CCSER1: variants seen among roughly 807,000 people sequenced by gnomAD.
CCSER1 encodes coiled-coil serine rich protein 1, also known as serine-rich coiled-coil domain-containing protein 1.
In CCSER1, 41 loss-of-function variants were observed where a neutral mutation model predicts 82.0. The observed-to-expected ratio is 0.50, with a 90% CI of 0.39 to 0.65. The LOEUF (loss-of-function observed/expected upper bound fraction) is 0.65, where lower values mean the gene tolerates loss of function less well. Among genes scored for constraint, CCSER1 ranks in the 30% least tolerant of loss-of-function variants. The probability of loss-of-function intolerance (pLI) is 0.00; values close to 1 mark genes in which losing one functional copy is unlikely to be tolerated. For synonymous variants in CCSER1, 414 were observed against 383.9 expected (o/e 1.08, Z -0.92); for missense variants, 1,119 against 1,064.2 (o/e 1.05, Z -0.72).
intron 6 of CCSER1, among the ~76,000 whole-genome samples, chr4:90,662,792 C>A (rs927444765): frequency 6.6e-6 from 1 of 152,104 alleles, no homozygotes; most frequent in Non-Finnish European, 1.5e-5. Context: ...TCTTTTGTTT[C>A]TGGTACTCTA....
At chr4:90,729,244 C>A (rs1041958965) in intron 7 of CCSER1, among the ~76,000 whole-genome samples, 4 of 152,154 alleles carry the variant, frequency 2.6e-5, no homozygotes, top group African/African-American at 7.2e-5. Context: ...AAGTTCAATG[C>A]AAGAAAGTCT....
chr4:90,935,982 A>G (rs1730882630), intron 9 of CCSER1, among the ~76,000 whole-genome samples: 1 of 151,986 alleles, frequency 6.6e-6, no homozygotes, highest in African/African-American at 2.4e-5. Context: ...ACTTTTTGCA[A>G]TGAACATATG....
intron 5 of CCSER1, among the ~76,000 whole-genome samples, chr4:90,584,932 C>A (rs1443595012): frequency 6.6e-6 from 1 of 151,856 alleles, no homozygotes; most frequent in Non-Finnish European, 1.5e-5. Flanking sequence ...ATTAAGAAAA[C>A]TAAAATGAAA....
intron 7 of CCSER1, among the ~76,000 whole-genome samples, chr4:90,808,618 C>T (rs1287299616): frequency 6.6e-6 from 1 of 151,950 alleles, no homozygotes; most frequent in African/African-American, 2.4e-5. Flanking sequence ...ATACAAATGG[C>T]CAACAAACCA....
chr4:90,605,946 A>C (rs1160301050), intron 5 of CCSER1, among the ~76,000 whole-genome samples: 27 of 152,162 alleles, frequency 1.8e-4, no homozygotes. Context: ...TCAATGCTTA[A>C]ATTGATACTT....
Position 91,334,037 on chromosome 4 carries a change from G to A in CCSER1, c.2217+248043G>A, listed in dbSNP as rs185643825. Among the ~76,000 whole-genome samples, 47 of 152,106 alleles carry A rather than the reference G, an allele frequency of 3.1e-4. No individual in the cohort carries two copies. The East Asian group carries it at 4.7e-3, about 15-fold the overall frequency. ...TATTTTACCAAAAAGCAGCTAAAGA[G>A]TTAAATTGAACAATTTAAACACTTT... On this transcript the variant is annotated intron_variant, in intron 10 of 10. Coordinates refer to ENST00000509176, the MANE Select transcript of CCSER1 (RefSeq NM_001145065.2).
chr4:90,459,371 TTATTAA>T (rs1762593316), intron 4 of CCSER1, among the ~76,000 whole-genome samples: 1 of 152,180 alleles, frequency 6.6e-6, no homozygotes, highest in South Asian at 2.1e-4. Context: ...TTTTATTTAA[TTATTAA>T]TATTAGTAAA....
intron 10 of CCSER1, among the ~76,000 whole-genome samples, chr4:91,180,730 G>A (rs1733939802): frequency 6.6e-6 from 1 of 152,166 alleles, no homozygotes; most frequent in East Asian, 1.9e-4. Flanking sequence ...CGGCACTAGA[G>A]GAATTAAAGA....
chr4:91,301,406 T>C (rs1318835064), intron 10 of CCSER1, among the ~76,000 whole-genome samples: 1 of 151,680 alleles, frequency 6.6e-6, no homozygotes, highest in African/African-American at 2.4e-5. Flanking sequence ...TGTCATATAT[T>C]CCAAGTGGAA....
At chr4:91,214,699 AT>A (rs1737105642) in intron 10 of CCSER1, among the ~76,000 whole-genome samples, 1 of 152,204 alleles carries the variant, frequency 6.6e-6, no homozygotes, top group African/African-American at 2.4e-5. Flanking sequence ...GAACAAGATT[AT>A]CTGTTCTAGA....
intron 5 of CCSER1, among the ~76,000 whole-genome samples, chr4:90,569,489 C>T (rs920130293): frequency 5.3e-5 from 8 of 152,142 alleles, no homozygotes; most frequent in Non-Finnish European, 2.9e-5. Context: ...ACAGGACTGG[C>T]CCCTGGACTC....
intron 6 of CCSER1, among the ~76,000 whole-genome samples, chr4:90,700,323 C>T (rs1051586984): frequency 4.8e-4 from 73 of 152,170 alleles, no homozygotes; most frequent in African/African-American, 1.5e-3. Flanking sequence ...TGAACTCATC[C>T]TTTTTTATGG....
At chr4:91,197,666 TA>T (rs986660825) in intron 10 of CCSER1, among the ~76,000 whole-genome samples, 1 of 152,218 alleles carries the variant, frequency 6.6e-6, no homozygotes, top group Admixed American at 6.5e-5. Flanking sequence ...TTTTACTTTT[TA>T]AAATTTGGCT....
intron 5 of CCSER1, among the ~76,000 whole-genome samples, chr4:90,515,961 T>A (rs780022753): frequency 6.6e-6 from 1 of 152,156 alleles, no homozygotes; most frequent in Non-Finnish European, 1.5e-5. Context: ...ACCTACAGTG[T>A]CAAATGCTCT....
intron 1 of CCSER1, among the ~76,000 whole-genome samples, chr4:90,257,668 G>A (rs756095850): frequency 3.3e-5 from 5 of 152,108 alleles, no homozygotes; most frequent in Admixed American, 1.3e-4. Context: ...TAAGGAATTG[G>A]CTCACACGAT....
At chr4:90,575,443 T>G (rs1301202062) in intron 5 of CCSER1, among the ~76,000 whole-genome samples, 1 of 152,180 alleles carries the variant, frequency 6.6e-6, no homozygotes, top group Non-Finnish European at 1.5e-5. Context: ...GACAGAACCC[T>G]CCTGACCTCA....
chr4:91,199,747 C>T (rs1188841612), intron 10 of CCSER1, among the ~76,000 whole-genome samples: 1 of 151,800 alleles, frequency 6.6e-6, no homozygotes, highest in African/African-American at 2.4e-5. Flanking sequence ...TAAAGATTAG[C>T]TTTACTTAAA....
intron 1 of CCSER1, among the ~76,000 whole-genome samples, chr4:90,239,533 A>T (rs938363244): frequency 3.3e-5 from 5 of 152,124 alleles, no homozygotes; most frequent in African/African-American, 1.2e-4. Flanking sequence ...GCAGAGTCTC[A>T]CTCTGTCACT....
intron 9 of CCSER1, among the ~76,000 whole-genome samples, chr4:91,071,237 A>T (rs992276235): frequency 6.6e-6 from 1 of 152,232 alleles, no homozygotes; most frequent in Admixed American, 6.5e-5. Context: ...TCTTTGAGGT[A>T]CTTTTATTCT....
Sources: allele counts gnomAD v4.1 joint callset (sites outside exome capture counted in the v4.1 genomes callset), GRCh38; gene constraint gnomAD v4.1.1; transcripts MANE v1.5; gene names NCBI Gene and HGNC (gene_info 2026-07-23, HGNC 2026-07-21).